SLC35F3: variants seen among roughly 807,000 people sequenced by gnomAD.
The protein encoded by SLC35F3 is putative thiamine transporter SLC35F3.
Under a neutral mutation model 49.9 loss-of-function variants are expected in SLC35F3, and 25 were observed. That is an observed-to-expected ratio of 0.50 (90% CI 0.37 to 0.70). SLC35F3 has a LOEUF of 0.70. SLC35F3 is among the 30% of genes least tolerant of loss of function. SLC35F3 has a pLI of 0.00. For missense variants in SLC35F3, 525 were observed against 639.8 expected (o/e 0.82, Z 1.94); for synonymous variants, 275 against 265.4 (o/e 1.04, Z -0.35).
Position 234,324,480 on chromosome 1 carries a change from CCAAA to C in SLC35F3, c.*1240_*1243del, listed in dbSNP as rs1657706595. ...TTCTCAGTTTCCATTACCTGTTTGGCCAAACAGATTAATAAAATATTTGAAAAAG... is the reference window on the plus strand; with the variant it reads ...TTCTCAGTTTCCATTACCTGTTTGGCCAGATTAATAAAATATTTGAAAAAG... On this transcript the variant is annotated 3_prime_UTR_variant, in exon 8 of 8. Coordinates refer to ENST00000366618, the MANE Select transcript of SLC35F3 (RefSeq NM_173508.4). 6.6e-6 allele frequency: 1 copy of C among 152,086 alleles called. No homozygotes were observed. Among genetic ancestry groups the C allele is most frequent in the African/African-American group, 2.4e-5 (1 of 41,398 alleles). The allele number at this position is 152,086 out of a possible 1,614,324, so 9.4% of individuals were successfully genotyped here.
Position 234,250,388 on chromosome 1 carries a change from C to T in SLC35F3, c.608+18647C>T, listed in dbSNP as rs542993365. 7.2e-5 allele frequency among the ~76,000 whole-genome samples: 11 copies of T among 152,322 alleles called. No homozygotes were observed. In the South Asian group the frequency reaches 2.3e-3, roughly 32 times the overall value. On this transcript the variant is annotated intron_variant, in intron 3 of 7. Coordinates refer to ENST00000366618, the MANE Select transcript of SLC35F3 (RefSeq NM_173508.4). The stretch of plus-strand genomic sequence containing the variant: ...AAGTTCCTTGGGCCGGGCGCGGTGG[C>T]TCACGCCTGTAATCCCAGCACTTTG...
chr1:234,260,336 T>C (rs1667883508), intron 3 of SLC35F3, among the ~76,000 whole-genome samples: 2 of 152,158 alleles, frequency 1.3e-5, no homozygotes, highest in East Asian at 1.9e-4. Context: ...TTCTACTTCA[T>C]TATGTTCTCA....
chr1:234,211,494 T>C lies in SLC35F3; in HGVS notation c.284-19923T>C, dbSNP rs373566785. 1.1e-3 allele frequency among the ~76,000 whole-genome samples: 160 copies of C among 152,230 alleles called. 1 individual carries two copies. The highest frequency in any genetic ancestry group is 3.6e-3 in the African/African-American group (151 of 41,516). ...ACAGAGGCAGAGCTGCCCAAGAACA[T>C]GGGAACCCCCCCCTTACATTGGTGT... is the stretch of plus-strand genomic sequence containing the variant. On this transcript the variant is annotated intron_variant, in intron 2 of 7. Coordinates refer to ENST00000366618, the MANE Select transcript of SLC35F3 (RefSeq NM_173508.4).
intron 2 of SLC35F3, among the ~76,000 whole-genome samples, chr1:234,042,310 C>T (rs913301181): frequency 2.0e-4 from 30 of 152,138 alleles, no homozygotes; most frequent in African/African-American, 7.0e-4. Context: ...ATGATTAATA[C>T]ATTCTGATGA....
chr1:233,922,840 T>G (rs7523153), intron 2 of SLC35F3, among the ~76,000 whole-genome samples: 73,761 of 151,902 alleles, frequency 0.49, 18,191 homozygotes, highest in Admixed American at 0.63. Flanking sequence ...TGTAAGGAAG[T>G]GATCCAGTTT....
At chr1:234,073,008 A>G (rs972072544) in intron 2 of SLC35F3, among the ~76,000 whole-genome samples, 4 of 152,182 alleles carry the variant, frequency 2.6e-5, no homozygotes, top group African/African-American at 9.7e-5. Context: ...GTGATAACCC[A>G]GTGGAGAGAT....
intron 3 of SLC35F3, among the ~76,000 whole-genome samples, chr1:234,293,764 G>T (rs1260567451): frequency 1.3e-5 from 2 of 152,170 alleles, no homozygotes; most frequent in Non-Finnish European, 2.9e-5. Flanking sequence ...ATAGAAATCA[G>T]TGTTATCCAA....
intron 2 of SLC35F3, among the ~76,000 whole-genome samples, chr1:233,974,179 T>C (rs1040821830): frequency 1.5e-5 from 2 of 130,224 alleles, no homozygotes; most frequent in Non-Finnish European, 3.4e-5. Flanking sequence ...TATTTCTTTT[T>C]TTTTTTTTTT....
chr1:234,049,944 A>G (rs1202499283), intron 2 of SLC35F3, among the ~76,000 whole-genome samples: 1 of 152,154 alleles, frequency 6.6e-6, no homozygotes, highest in African/African-American at 2.4e-5. Flanking sequence ...AGCTTCATCC[A>G]TGTCCCTACA....
chr1:233,983,325 G>T (rs780862872), intron 2 of SLC35F3, among the ~76,000 whole-genome samples: 1 of 152,042 alleles, frequency 6.6e-6, no homozygotes, highest in Non-Finnish European at 1.5e-5. Flanking sequence ...CATCGAGCTC[G>T]GGAACAAGTA....
chr1:234,241,700 A>T, intron 3 of SLC35F3, among the ~76,000 whole-genome samples: 1 of 145,580 alleles, frequency 6.9e-6, no homozygotes, highest in Admixed American at 7.2e-5. Context: ...GTACCATTGC[A>T]CTCCAGCCTG....
intron 2 of SLC35F3, among the ~76,000 whole-genome samples, chr1:234,064,521 C>T (rs1219083074): frequency 2.6e-5 from 4 of 152,152 alleles, no homozygotes; most frequent in Non-Finnish European, 5.9e-5. Context: ...CAGCAGGTTT[C>T]GGCTGTCACA....
intron 2 of SLC35F3, among the ~76,000 whole-genome samples, chr1:234,063,659 T>G (rs1449968338): frequency 6.6e-6 from 1 of 152,190 alleles, no homozygotes; most frequent in Admixed American, 6.5e-5. Context: ...TAGGCAAAAC[T>G]CTTGGTGGGC....
chr1:233,975,455 A>G (rs1056130770), intron 2 of SLC35F3, among the ~76,000 whole-genome samples: 2 of 152,252 alleles, frequency 1.3e-5, no homozygotes, highest in African/African-American at 4.8e-5. Context: ...ACCTGTGTCA[A>G]TCACGGCCCC....
chr1:233,924,226 C>T (rs1411388412), intron 2 of SLC35F3, among the ~76,000 whole-genome samples: 2 of 152,216 alleles, frequency 1.3e-5, no homozygotes, highest in African/African-American at 4.8e-5. Flanking sequence ...ATGGTAACAG[C>T]TCCTCTTTGT....
At chr1:233,968,479 CTTTTTCT>C (rs560436182) in intron 2 of SLC35F3, among the ~76,000 whole-genome samples, 12 of 96,304 alleles carry the variant, frequency 1.2e-4, no homozygotes, top group African/African-American at 3.9e-4. Context: ...TTTTCTTTTT[CTTTTTCT>C]TTTTCTTTTT....
At chr1:234,311,907 G>A (rs913113923) in intron 4 of SLC35F3, among the ~76,000 whole-genome samples, 9 of 152,212 alleles carry the variant, frequency 5.9e-5, no homozygotes, top group African/African-American at 1.9e-4. Flanking sequence ...AAATGTCTCT[G>A]AGCCTCTGTT....
intron 2 of SLC35F3, among the ~76,000 whole-genome samples, chr1:234,170,282 G>A (rs565368585): frequency 3.2e-4 from 49 of 152,262 alleles, no homozygotes; most frequent in Admixed American, 1.4e-3. Context: ...AGGGGGGCAC[G>A]GCAGCTCGTA....
chr1:234,037,346 T>G (rs538099845), intron 2 of SLC35F3, among the ~76,000 whole-genome samples: 1 of 152,184 alleles, frequency 6.6e-6, no homozygotes, highest in Non-Finnish European at 1.5e-5. Flanking sequence ...TCACTCACTG[T>G]CCCGAGAATG....
Sources: gnomAD v4.1 joint callset for allele counts (sites outside exome capture counted in the v4.1 genomes callset) on GRCh38, gnomAD v4.1.1 for gene constraint, MANE v1.5 for transcripts, NCBI Gene and HGNC (gene_info 2026-07-23, HGNC 2026-07-21) for gene names.